Variants in NRXN1 observed in about 807,000 individuals in gnomAD.
NRXN1 encodes the protein neurexin 1, also known as neurexin-1.
NRXN1 carries 39 observed loss-of-function variants against 150.9 expected under a neutral mutation model. That is an observed-to-expected ratio of 0.26 (90% CI 0.20 to 0.34). The LOEUF (loss-of-function observed/expected upper bound fraction) is 0.34. Ranked by LOEUF, NRXN1 falls within the 10% of genes least tolerant of loss-of-function variation. The pLI, the probability that NRXN1 is intolerant of heterozygous loss-of-function variation, is 1.00. For missense variants in NRXN1, 1,815 were observed against 1,949.9 expected (o/e 0.93, Z 1.30); for synonymous variants, 924 against 757.0 (o/e 1.22, Z -3.62).
At chr2:50,803,331 C>T (rs1707871873) in intron 5 of NRXN1, among the ~76,000 whole-genome samples, 1 of 152,094 alleles carries the variant, frequency 6.6e-6, no homozygotes, top group Non-Finnish European at 1.5e-5. Flanking sequence ...TTCTTTTCTA[C>T]TATTACAGAG....
At chr2:50,554,794 T>C (rs1667997349) in intron 8 of NRXN1, among the ~76,000 whole-genome samples, 1 of 152,164 alleles carries the variant, frequency 6.6e-6, no homozygotes, top group African/African-American at 2.4e-5. Flanking sequence ...GGGCCTGGTG[T>C]TTCAGTTTAC....
chr2:50,135,183 T>A (rs1284937298), intron 18 of NRXN1, among the ~76,000 whole-genome samples: 1 of 152,222 alleles, frequency 6.6e-6, no homozygotes, highest in Non-Finnish European at 1.5e-5. Flanking sequence ...TATTGACTCA[T>A]GTTTTGAATA....
chr2:50,989,942 T>C (rs956484079), intron 2 of NRXN1, among the ~76,000 whole-genome samples: 1 of 151,926 alleles, frequency 6.6e-6, no homozygotes, highest in African/African-American at 2.4e-5. Context: ...CAGCAATGCA[T>C]GAGATTTTTA....
At chr2:50,909,629 C>T (rs1179530190) in intron 5 of NRXN1, among the ~76,000 whole-genome samples, 1 of 151,976 alleles carries the variant, frequency 6.6e-6, no homozygotes, top group Non-Finnish European at 1.5e-5. Flanking sequence ...CCCCCACACC[C>T]CAACAAGCTT....
At chr2:50,888,370 T>C (rs1036500540) in intron 5 of NRXN1, among the ~76,000 whole-genome samples, 1 of 151,610 alleles carries the variant, frequency 6.6e-6, no homozygotes, top group Non-Finnish European at 1.5e-5. Flanking sequence ...GATTTCATGT[T>C]TGCAAGGGTC....
intron 21 of NRXN1, among the ~76,000 whole-genome samples, chr2:50,013,269 G>GTTT (rs1166079952): frequency 2.5e-5 from 1 of 40,642 alleles, no homozygotes; most frequent in Non-Finnish European, 4.7e-5. Flanking sequence ...TACTATTAAA[G>GTTT]TTTCTTTTTT....
intron 17 of NRXN1, among the ~76,000 whole-genome samples, chr2:50,329,522 T>C (rs2076605598): frequency 6.8e-6 from 1 of 146,716 alleles, no homozygotes; most frequent in Non-Finnish European, 1.5e-5. Flanking sequence ...TTCTAACTCA[T>C]TTCCACACTT....
At chr2:50,175,944 G>C (rs376430704) in intron 18 of NRXN1, among the ~76,000 whole-genome samples, 47 of 152,182 alleles carry the variant, frequency 3.1e-4, no homozygotes, top group African/African-American at 1.1e-3. Flanking sequence ...GGTCTTTTTA[G>C]AGAGAAGAAA....
intron 18 of NRXN1, among the ~76,000 whole-genome samples, chr2:50,141,356 CTAG>C (rs1033940078): frequency 1.3e-5 from 2 of 151,860 alleles, no homozygotes; most frequent in African/African-American, 4.8e-5. Flanking sequence ...TATGAAACTA[CTAG>C]AAAAAAACAT....
chr2:49,962,156 A>T (rs980147833), intron 21 of NRXN1, among the ~76,000 whole-genome samples: 1 of 152,206 alleles, frequency 6.6e-6, no homozygotes, highest in African/African-American at 2.4e-5. Context: ...AGTATTGATT[A>T]TATAATTTGT....
At chr2:50,575,016 C>T (rs149485750) in intron 8 of NRXN1, among the ~76,000 whole-genome samples, 1 of 152,184 alleles carries the variant, frequency 6.6e-6, no homozygotes, top group Non-Finnish European at 1.5e-5. Context: ...AGCAATGTAT[C>T]ACCAAAACAC....
In NRXN1 at chr2:50,497,672, A is replaced by G. The variant is rs2091715502; in HGVS notation, c.2540T>C (p.Ile847Thr). ...GDHTRLEFHNIETGIITERRY... is the reference protein window; with the variant it reads ...GDHTRLEFHNTETGIITERRY... ...TCGTTCTGTGATGATGCCAGTCTCT[A>G]TGTTATGGAACTCCAGCCTAGTATG... The change falls in exon 14 of 23, where the codon ATA becomes ACA. Residue 847 changes from isoleucine to threonine, a missense_variant. This residue lies in a region of NRXN1 where 638 missense variants were observed against 652.6 expected (regional missense o/e 0.98). Coordinates refer to ENST00000401669, the MANE Select transcript of NRXN1 (RefSeq NM_001330078.2). The G allele has an allele frequency of 3.1e-6, 5 of 1,613,708 alleles. No individual in the cohort carries two copies. Among genetic ancestry groups the G allele is most frequent in the African/African-American group, 1.3e-5 (1 of 74,926 alleles).
intron 5 of NRXN1, among the ~76,000 whole-genome samples, chr2:50,805,009 T>A (rs1667325409): frequency 6.6e-6 from 1 of 152,180 alleles, no homozygotes; most frequent in Non-Finnish European, 1.5e-5. Flanking sequence ...GGTGACCTTT[T>A]TGTAGCCTCT....
chr2:50,346,734 A>T lies in NRXN1; in HGVS notation c.3365-109764T>A, dbSNP rs2078010493. The T allele has an allele frequency of 6.2e-7, 1 of 1,613,764 alleles. No individual in the cohort carries two copies. The highest frequency in any genetic ancestry group is 1.7e-5 in the Admixed American group (1 of 59,994). On this transcript the variant is annotated intron_variant, in intron 17 of 22. Coordinates refer to ENST00000401669, the MANE Select transcript of NRXN1 (RefSeq NM_001330078.2). The surrounding 1 kb of genome is among the most constrained non-coding windows in gnomAD (Gnocchi z 5.0). ...ATGCCGGTGACCTGTAGATTGCAAT[A>T]GGCACTGAATGATGCTTGCTGCTGC... is the stretch of plus-strand genomic sequence containing the variant.
chr2:50,510,141 G>A (rs530678238), intron 12 of NRXN1, among the ~76,000 whole-genome samples: 3 of 152,120 alleles, frequency 2.0e-5, no homozygotes, highest in South Asian at 2.1e-4. Context: ...GTATTCTGTT[G>A]TAACAGCCCA....
At chr2:50,062,828 A>G (rs1264542396) in intron 19 of NRXN1, among the ~76,000 whole-genome samples, 2 of 152,188 alleles carry the variant, frequency 1.3e-5, no homozygotes, top group African/African-American at 4.8e-5. Flanking sequence ...ATTTGATATG[A>G]CATATTAATA....
intron 5 of NRXN1, among the ~76,000 whole-genome samples, chr2:50,767,156 ATACC>A (rs560855667): frequency 6.6e-5 from 10 of 152,068 alleles, no homozygotes; most frequent in Non-Finnish European, 1.5e-4. Context: ...CTCAACTACC[ATACC>A]CATGGGGAAA....
chr2:50,380,195 A>T (rs1005300168), intron 17 of NRXN1, among the ~76,000 whole-genome samples: 7 of 152,062 alleles, frequency 4.6e-5, no homozygotes, highest in Non-Finnish European at 8.8e-5. Flanking sequence ...TGTGAAACTC[A>T]GCGAGCCTAG....
In NRXN1 at chr2:50,232,947, C is replaced by T. The variant is rs545240743; in HGVS notation, c.3546+3842G>A. On this transcript the variant is annotated intron_variant, in intron 18 of 22. Transcript: ENST00000401669. ...TGAAAACTACCTTTAAGATTTGAAGCTTCTCAATAATATGGCTGCTTATAT... is the reference window on the plus strand; with the variant it reads ...TGAAAACTACCTTTAAGATTTGAAGTTTCTCAATAATATGGCTGCTTATAT... Among the ~76,000 whole-genome samples the T allele has an allele frequency of 1.1e-4, 16 of 152,120 alleles. No individual in the cohort carries two copies. In the East Asian group the frequency reaches 2.7e-3, roughly 26 times the overall value.
Sources: allele counts gnomAD v4.1 joint callset (sites outside exome capture counted in the v4.1 genomes callset), GRCh38; gene constraint gnomAD v4.1.1; regional missense constraint gnomAD v4.1.1; non-coding constraint Gnocchi (gnomAD v3.1); transcripts MANE v1.5; gene names NCBI Gene and HGNC (gene_info 2026-07-23, HGNC 2026-07-21).